ST6GALNAC5: variants seen among roughly 807,000 people sequenced by gnomAD.
ST6GALNAC5 encodes alpha-N-acetylgalactosaminide alpha-2,6-sialyltransferase 5.
In ST6GALNAC5, 27 loss-of-function variants were observed where a neutral mutation model predicts 33.6. That is an observed-to-expected ratio of 0.80 (90% confidence interval 0.59 to 1.11). The LOEUF is 1.11. Ranked by LOEUF, ST6GALNAC5 falls within the 50% of genes least tolerant of loss-of-function variation. The pLI is 0.00. For synonymous variants in ST6GALNAC5, 194 were observed against 171.2 expected (o/e 1.13, Z -1.04); for missense variants, 428 against 454.0 (o/e 0.94, Z 0.52).
chr1:76,872,068 A>AACACACACAC lies in ST6GALNAC5; in HGVS notation c.261+3367_261+3376dup, dbSNP rs66721550. Reference sequence around the variant, plus strand: ...CTGTAGCCTAATGTATAACCAAGCTAACACACACACACACACACACACACA... The same window carrying AACACACACAC: ...CTGTAGCCTAATGTATAACCAAGCTAACACACACACACACACACACACACACACACACACA... On this transcript the variant is annotated intron_variant, in intron 2 of 4. Coordinates refer to ENST00000477717, the MANE Select transcript of ST6GALNAC5 (RefSeq NM_030965.3). Among the ~76,000 whole-genome samples the AACACACACAC allele has an allele frequency of 7.7e-4, 100 of 130,296 alleles. 1 individual carries two copies. Among genetic ancestry groups the AACACACACAC allele is most frequent in the African/African-American group, 2.0e-3 (70 of 34,340 alleles). 85.5% of individuals were successfully genotyped at this position (130,296 alleles called of 152,430 possible). A position where few individuals can be genotyped will look rare whatever the true frequency, so the allele number is the denominator to read the frequency against.
intron 2 of ST6GALNAC5, among the ~76,000 whole-genome samples, chr1:77,016,239 CCTGTAT>C (rs1169740066): frequency 9.6e-6 from 1 of 104,394 alleles, no homozygotes; most frequent in Non-Finnish European, 2.0e-5. Flanking sequence ...CCCTCCTCCT[CCTGTAT>C]CTCCTCCCCC....
chr1:77,015,532 A>C (rs1161175808), intron 2 of ST6GALNAC5, among the ~76,000 whole-genome samples: 1 of 152,134 alleles, frequency 6.6e-6, no homozygotes, highest in Non-Finnish European at 1.5e-5. Context: ...ATGTATCAAT[A>C]AAAATTGTTC....
At chr1:77,051,123 T>C (rs993663590) in intron 4 of ST6GALNAC5, among the ~76,000 whole-genome samples, 1 of 152,228 alleles carries the variant, frequency 6.6e-6, no homozygotes, top group Admixed American at 6.5e-5. Flanking sequence ...GTGGGGGGCA[T>C]TTAAAACTTG....
chr1:76,946,649 C>A (rs1032159014), intron 2 of ST6GALNAC5, among the ~76,000 whole-genome samples: 1 of 152,068 alleles, frequency 6.6e-6, no homozygotes, highest in Admixed American at 6.6e-5. Context: ...AAGAGCAGTC[C>A]AGAGTGGTCT....
chr1:76,964,908 G>A (rs548787388), intron 2 of ST6GALNAC5, among the ~76,000 whole-genome samples: 2 of 151,986 alleles, frequency 1.3e-5, no homozygotes, highest in Non-Finnish European at 2.9e-5. Flanking sequence ...GTTTCCAGCT[G>A]CATCCATGTC....
intron 2 of ST6GALNAC5, among the ~76,000 whole-genome samples, chr1:76,973,010 A>G (rs1648825074): frequency 6.6e-6 from 1 of 152,124 alleles, no homozygotes; most frequent in South Asian, 2.1e-4. Flanking sequence ...TCAAAAAATG[A>G]TCATTCTCTA....
chr1:76,983,132 T>A (rs1411268191), intron 2 of ST6GALNAC5, among the ~76,000 whole-genome samples: 1 of 152,100 alleles, frequency 6.6e-6, no homozygotes, highest in Non-Finnish European at 1.5e-5. Flanking sequence ...GCAAACATCA[T>A]AATGACAGGA....
chr1:76,998,035 GC>G (rs917846468), intron 2 of ST6GALNAC5, among the ~76,000 whole-genome samples: 3 of 152,116 alleles, frequency 2.0e-5, no homozygotes, highest in African/African-American at 7.2e-5. Flanking sequence ...CCCTCCTGCT[GC>G]CCTGCGAAGA....
At chr1:76,956,666 C>T (rs1648003265) in intron 2 of ST6GALNAC5, among the ~76,000 whole-genome samples, 1 of 152,098 alleles carries the variant, frequency 6.6e-6, no homozygotes, top group African/African-American at 2.4e-5. Flanking sequence ...TGTTTTGTCC[C>T]ATTATTCTCT....
chr1:77,024,285 G>A (rs1414267461), intron 2 of ST6GALNAC5, among the ~76,000 whole-genome samples: 1 of 152,196 alleles, frequency 6.6e-6, no homozygotes, highest in East Asian at 1.9e-4. Context: ...ACCGCATGTT[G>A]GTGAGGGCAG....
intron 2 of ST6GALNAC5, among the ~76,000 whole-genome samples, chr1:76,874,359 C>T (rs1381709962): frequency 6.6e-6 from 1 of 152,158 alleles, no homozygotes. Flanking sequence ...TGGTGACCAC[C>T]TTAACCAAGC....
chr1:76,968,036 T>G lies in ST6GALNAC5; in HGVS notation c.262-76168T>G, dbSNP rs113148312. On this transcript the variant is annotated intron_variant, in intron 2 of 4. Transcript: ENST00000477717. ...CAAGTTTGGAATAAGTGCGATGTGG[T>G]GCTGAGAAGAATGTATATTCTGTTG... Among the ~76,000 whole-genome samples the G allele has an allele frequency of 5.9e-5, 9 of 152,306 alleles. 1 individual carries two copies. Among genetic ancestry groups the G allele is most frequent in the African/African-American group, 2.2e-4 (9 of 41,562 alleles).
chr1:76,975,703 A>C (rs1648982258), intron 2 of ST6GALNAC5, among the ~76,000 whole-genome samples: 1 of 152,204 alleles, frequency 6.6e-6, no homozygotes, highest in Non-Finnish European at 1.5e-5. Flanking sequence ...ATTTGCATAA[A>C]GTTTAAACAT....
At chr1:76,885,965 C>T (rs1653883180) in intron 2 of ST6GALNAC5, among the ~76,000 whole-genome samples, 1 of 152,186 alleles carries the variant, frequency 6.6e-6, no homozygotes, top group African/African-American at 2.4e-5. Flanking sequence ...CACAGGCTTC[C>T]AGGACACTGT....
At chr1:76,998,774 T>C (rs892405959) in intron 2 of ST6GALNAC5, among the ~76,000 whole-genome samples, 1 of 152,186 alleles carries the variant, frequency 6.6e-6, no homozygotes, top group African/African-American at 2.4e-5. Context: ...TGTGAAATGT[T>C]TGAAGATGAA....
intron 2 of ST6GALNAC5, among the ~76,000 whole-genome samples, chr1:77,005,035 T>C (rs974538089): frequency 9.3e-5 from 14 of 151,206 alleles, no homozygotes; most frequent in African/African-American, 2.9e-4. Flanking sequence ...TCGAGCTTCC[T>C]GGCTGCTTTG....
Position 77,063,120 on chromosome 1 carries a change from C to T in ST6GALNAC5, c.925C>T (p.Arg309Trp). Residue 309 changes from arginine (R) to tryptophan (W), a missense_variant, in exon 5 of 5, where the codon CGG becomes TGG. By Grantham distance (101) the Arg-to-Trp change is moderately radical. Coordinates refer to ENST00000477717, the MANE Select transcript of ST6GALNAC5 (RefSeq NM_030965.3). ...TEKRVFKNWA[R>W]TFNIHFFQPD... ...GAAACGAGTCTTTAAGAACTGGGCACGGACATTCAATATTCACTTTTTTCA... is the reference window on the plus strand; with the variant it reads ...GAAACGAGTCTTTAAGAACTGGGCATGGACATTCAATATTCACTTTTTTCA... 3 of 1,613,802 alleles carry T rather than the reference C, an allele frequency of 1.9e-6. No individual in the cohort carries two copies. Among genetic ancestry groups the T allele is most frequent in the East Asian group, 2.2e-5 (1 of 44,862 alleles).
chr1:77,043,872 A>G (rs900984401), intron 2 of ST6GALNAC5, among the ~76,000 whole-genome samples: 1 of 152,154 alleles, frequency 6.6e-6, no homozygotes, highest in African/African-American at 2.4e-5. Context: ...TAACATCTCT[A>G]TGCTTAAGTA....
At position 77,044,532 on chromosome 1, in the gene ST6GALNAC5, C is replaced by T; in HGVS notation, c.590C>T (p.Pro197Leu). The T allele has an allele frequency of 6.2e-7, 1 of 1,609,548 alleles. No individual in the cohort carries two copies. The highest frequency in any genetic ancestry group is 8.5e-7 in the Non-Finnish European group (1 of 1,177,392). The change falls in exon 3 of 5, where the codon CCC (proline) becomes CTC (leucine). Residue 197 changes from proline to leucine, a missense_variant. Physicochemically the swap from Pro to Leu is moderately conservative, Grantham distance 98. Transcript: ENST00000477717. The stretch of plus-strand genomic sequence containing the variant: ...CTGCATCTCCTGAGCCAGGTGCTGC[C>T]CCGGCTGAAGGCCTTCATGATTACT... ...NNLHLLSQVLPRLKAFMITRH... is the reference protein window; with the variant it reads ...NNLHLLSQVLLRLKAFMITRH...
Sources: gnomAD v4.1 joint callset for allele counts (sites outside exome capture counted in the v4.1 genomes callset) on GRCh38, gnomAD v4.1.1 for gene constraint, MANE v1.5 for transcripts, NCBI Gene and HGNC (gene_info 2026-07-23, HGNC 2026-07-21) for gene names.